Variants in DOCK8 observed in about 807,000 individuals in gnomAD.
DOCK8 encodes the protein dedicator of cytokinesis 8.
DOCK8 carries 141 observed loss-of-function variants against 245.6 expected under a neutral mutation model. That is an observed-to-expected ratio of 0.57 (90% CI 0.50 to 0.66). The LOEUF is 0.66. DOCK8 is among the 30% of genes least tolerant of loss of function. The probability of loss-of-function intolerance (pLI) is 0.00; values close to 1 mark genes in which losing one functional copy is unlikely to be tolerated. For missense variants in DOCK8, 2,965 were observed against 2,603.4 expected (o/e 1.14, Z -3.02); for synonymous variants, 1,168 against 970.2 (o/e 1.20, Z -3.79).
At chr9:211,270 G>A (rs773940471), upstream of DOCK8, among the ~76,000 whole-genome samples, 2 of 152,058 alleles carry the variant, frequency 1.3e-5, no homozygotes, top group Non-Finnish European at 2.9e-5. Flanking sequence ...CAGGAGCACC[G>A]CCTGCTTTAG....
At chr9:344,445 G>C (rs895742261) in intron 14 of DOCK8, among the ~76,000 whole-genome samples, 1 of 152,168 alleles carries the variant, frequency 6.6e-6, no homozygotes, top group Admixed American at 6.5e-5. Context: ...CCCAGTCCCA[G>C]ATGAGTGTCC....
chr9:401,875 C>T (rs2055125365), intron 26 of DOCK8, among the ~76,000 whole-genome samples: 1 of 152,154 alleles, frequency 6.6e-6, no homozygotes, highest in South Asian at 2.1e-4. Flanking sequence ...AAAAAAGAAT[C>T]CTAAGGAAAC....
At chr9:418,794 C>T (rs1273625852) in intron 30 of DOCK8, among the ~76,000 whole-genome samples, 3 of 152,098 alleles carry the variant, frequency 2.0e-5, no homozygotes, top group African/African-American at 7.2e-5. Context: ...AATCTGAAAT[C>T]CTTGCAAAGG....
intron 5 of DOCK8, among the ~76,000 whole-genome samples, chr9:310,974 G>A (rs1554664338): frequency 1.3e-5 from 2 of 152,076 alleles, no homozygotes; most frequent in Non-Finnish European, 2.9e-5. Flanking sequence ...ATATTAGATA[G>A]CAGCCAAAAT....
At chr9:292,387 CAAAAAAAAA>C (rs5895837) in intron 4 of DOCK8, among the ~76,000 whole-genome samples, 5 of 63,070 alleles carry the variant, frequency 7.9e-5, no homozygotes, top group African/African-American at 1.4e-4. Flanking sequence ...AACTCCGTCT[CAAAAAAAAA>C]AAAAAAAAAA....
chr9:405,660 A>G (rs922620208), intron 27 of DOCK8, among the ~76,000 whole-genome samples: 1 of 152,186 alleles, frequency 6.6e-6, no homozygotes, highest in Non-Finnish European at 1.5e-5. Context: ...CATTCCATTT[A>G]TAGGGAACAC....
rs1257173814 is a variant in DOCK8, at chr9:412,921, G to A, written c.3531-1861G>A. Among the ~76,000 whole-genome samples, 5 of 146,600 alleles carry A rather than the reference G, an allele frequency of 3.4e-5. No homozygotes were observed. The East Asian group carries it at 5.9e-4, about 17-fold the overall frequency. ...AATTAGCAAACTGATCCTAAAATTC[G>A]TGTGGAAATTCAAGGGACCCAGTAT... On this transcript the variant is annotated intron_variant, in intron 28 of 47. Transcript: ENST00000432829.
chr9:273,557 T>C (rs997421694), intron 2 of DOCK8, among the ~76,000 whole-genome samples: 1 of 152,216 alleles, frequency 6.6e-6, no homozygotes. Context: ...TTTGCTTTTT[T>C]AAAAAGTAAA....
intron 4 of DOCK8, among the ~76,000 whole-genome samples, chr9:290,800 A>G (rs1367615607): frequency 6.6e-6 from 1 of 152,188 alleles, no homozygotes; most frequent in Non-Finnish European, 1.5e-5. Context: ...CCTCAGTAAG[A>G]ATTACTATTC....
At chr9:313,472 T>G (rs966117641) in intron 6 of DOCK8, among the ~76,000 whole-genome samples, 1 of 152,232 alleles carries the variant, frequency 6.6e-6, no homozygotes, top group Non-Finnish European at 1.5e-5. Flanking sequence ...TTATTTTATT[T>G]GCAGTTTTTG....
intron 10 of DOCK8, 136 bp downstream of exon 10, chr9:332,614 A>G: frequency 1.7e-6 from 1 of 584,194 alleles, no homozygotes; most frequent in South Asian, 2.3e-5. Flanking sequence ...TTAATTAAAT[A>G]AAAGAGGAAA....
chr9:244,474 C>G (rs1038136779), intron 1 of DOCK8, among the ~76,000 whole-genome samples: 3 of 152,048 alleles, frequency 2.0e-5, no homozygotes, highest in Non-Finnish European at 4.4e-5. Context: ...GCACTCTCTA[C>G]TGTTTCTTCC....
chr9:280,002 T>C (rs1302860700), intron 2 of DOCK8, among the ~76,000 whole-genome samples: 2 of 152,200 alleles, frequency 1.3e-5, no homozygotes, highest in Non-Finnish European at 2.9e-5. Context: ...CTACACTGTG[T>C]TAGGAGCTAT....
At chr9:447,294 T>C (rs574208062) in intron 44 of DOCK8, among the ~76,000 whole-genome samples, 1 of 152,340 alleles carries the variant, frequency 6.6e-6, no homozygotes, top group East Asian at 1.9e-4. Context: ...TTAAAACACA[T>C]ATATATACAC....
intron 2 of DOCK8, among the ~76,000 whole-genome samples, chr9:279,286 T>G (rs538296423): frequency 6.6e-6 from 1 of 152,202 alleles, no homozygotes; most frequent in East Asian, 1.9e-4. Flanking sequence ...TGTTAAATTA[T>G]CAAGTAGTGA....
chr9:376,329 T>C, intron 19 of DOCK8, 24 bp downstream of exon 19: 7 of 1,541,088 alleles, frequency 4.5e-6, no homozygotes, highest in Non-Finnish European at 5.4e-6. Context: ...AGGTTAATCA[T>C]GAAGGTAAAG....
Position 463,636 on chromosome 9 carries a change from G to A in DOCK8, c.6188G>A (p.Arg2063Gln), listed in dbSNP as rs573916091. The A allele has an allele frequency of 6.1e-5, 99 of 1,613,704 alleles. No homozygotes were observed. The highest frequency in any genetic ancestry group is 1.6e-4 in the Middle Eastern group (1 of 6,062). Residue 2063 changes from arginine (R) to glutamine (Q), a missense_variant, in exon 47 of 48, where the codon CGG becomes CAG. By Grantham distance (43) the Arg-to-Gln change is conservative (BLOSUM62 1). Around this residue, in one of 3 missense-constraint regions of DOCK8, gnomAD observed 134 missense variants for 128.1 expected, o/e 1.05. Coordinates refer to ENST00000432829, the MANE Select transcript of DOCK8 (RefSeq NM_203447.4). ...LKENLRPMIE[R>Q]KIPELYKPIF... ...GAGAACCTCAGGCCAATGATCGAGC[G>A]GAAAATTCCAGAACTGTACAAGCCA...
chr9:353,674 T>C (rs1213424623), intron 14 of DOCK8, among the ~76,000 whole-genome samples: 1 of 151,980 alleles, frequency 6.6e-6, no homozygotes, highest in Non-Finnish European at 1.5e-5. Context: ...TCTGGTGGCC[T>C]CAAAAAAAAA....
chr9:425,561 A>G (rs2056463298), intron 33 of DOCK8, among the ~76,000 whole-genome samples: 1 of 148,442 alleles, frequency 6.7e-6, no homozygotes, highest in Non-Finnish European at 1.5e-5. Flanking sequence ...AAAAAAAAGG[A>G]TGATGAGGTT....
Sources: gnomAD v4.1 joint callset for allele counts (sites outside exome capture counted in the v4.1 genomes callset) on GRCh38, gnomAD v4.1.1 for gene constraint, gnomAD v4.1.1 regional missense constraint, MANE v1.5 for transcripts, NCBI Gene and HGNC (gene_info 2026-07-23, HGNC 2026-07-21) for gene names.